The following GRIA1 variants were observed in gnomAD, a reference collection of about 807,000 sequenced individuals.
The protein encoded by GRIA1 is glutamate receptor 1.
Under a neutral mutation model 99.2 loss-of-function variants are expected in GRIA1, and 31 were observed. The ratio of observed to expected loss-of-function variants is 0.31; its 90% CI spans 0.23 to 0.42. The LOEUF (loss-of-function observed/expected upper bound fraction) is 0.42, where lower values mean the gene tolerates loss of function less well. Ranked by LOEUF, GRIA1 falls within the 10% of genes least tolerant of loss-of-function variation. The pLI is 1.00. For missense variants in GRIA1, 782 were observed against 1,157.5 expected, an observed-to-expected ratio of 0.68 and a Z score of 4.71; for synonymous variants, 438 against 432.4, an observed-to-expected ratio of 1.01 and a Z score of -0.16.
In GRIA1 at chr5:153,783,459, A is replaced by G. The variant is rs547253871; in HGVS notation, c.2271-11162A>G. Among the ~76,000 whole-genome samples the G allele has an allele frequency of 8.5e-5, 13 of 152,280 alleles. No individual in the cohort carries two copies. In the South Asian group the frequency reaches 2.1e-3, roughly 24 times the overall value. Reference sequence around the variant, plus strand: ...GAACTGTTGACACCTGCTTCTCACAATGTGGGGTGGGCTAGGCATCACACT... The same window carrying G: ...GAACTGTTGACACCTGCTTCTCACAGTGTGGGGTGGGCTAGGCATCACACT... On this transcript the variant is annotated intron_variant, in intron 13 of 15. Transcript: ENST00000285900.
intron 13 of GRIA1, among the ~76,000 whole-genome samples, chr5:153,779,344 A>C (rs1176704155): frequency 6.6e-6 from 1 of 152,198 alleles, no homozygotes; most frequent in Non-Finnish European, 1.5e-5. Flanking sequence ...CCTTTGTGCT[A>C]ATCAAGACTC....
chr5:153,636,214 A>G (rs1753348041), intron 2 of GRIA1, among the ~76,000 whole-genome samples: 1 of 152,172 alleles, frequency 6.6e-6, no homozygotes, highest in Non-Finnish European at 1.5e-5. Flanking sequence ...TCATGGGTTT[A>G]AAGGTCATCC....
chr5:153,802,793 A>T (rs565521353), intron 15 of GRIA1, among the ~76,000 whole-genome samples: 1 of 152,282 alleles, frequency 6.6e-6, no homozygotes, highest in Non-Finnish European at 1.5e-5. Context: ...GGCAAGAGTG[A>T]TGGCTACCAA....
At chr5:153,606,357 T>G (rs1312263449) in intron 2 of GRIA1, among the ~76,000 whole-genome samples, 1 of 152,114 alleles carries the variant, frequency 6.6e-6, no homozygotes, top group Non-Finnish European at 1.5e-5. Flanking sequence ...CTTTTCCCCT[T>G]TTTCAAAATT....
chr5:153,749,712 A>G (rs1412967591), intron 11 of GRIA1, among the ~76,000 whole-genome samples: 1 of 152,104 alleles, frequency 6.6e-6, no homozygotes, highest in Admixed American at 6.6e-5. Flanking sequence ...TGAACATGAG[A>G]TTTGGAGGGA....
At chr5:153,650,284 A>G in intron 3 of GRIA1, 46 bp from the exon 4 acceptor site, 1 of 1,547,900 alleles carries the variant, frequency 6.5e-7, no homozygotes. Context: ...TGGTGCCCAC[A>G]AATCCTGACT....
At chr5:153,700,373 G>T (rs745490589) in intron 10 of GRIA1, among the ~76,000 whole-genome samples, 2 of 152,124 alleles carry the variant, frequency 1.3e-5, no homozygotes, top group Non-Finnish European at 2.9e-5. Flanking sequence ...AGACAAGAGC[G>T]AAACTCTGTC....
intron 13 of GRIA1, among the ~76,000 whole-genome samples, chr5:153,790,375 C>T (rs1041049682): frequency 1.3e-5 from 2 of 152,150 alleles, no homozygotes; most frequent in African/African-American, 4.8e-5. Flanking sequence ...CATAACTCTC[C>T]TTTTATTAAA....
chr5:153,609,706 T>G (rs1994861), intron 2 of GRIA1, among the ~76,000 whole-genome samples: 33,466 of 151,420 alleles, frequency 0.22, 4,259 homozygotes, highest in Non-Finnish European at 0.3. Flanking sequence ...TGGGATTACA[T>G]GGCCCACCAC....
At chr5:153,653,856 A>G (rs146077599) in intron 4 of GRIA1, among the ~76,000 whole-genome samples, 242 of 152,330 alleles carry the variant, frequency 1.6e-3, no homozygotes, top group Non-Finnish European at 3.1e-3. Flanking sequence ...AGGGTTTTAC[A>G]GAGGAGTTGA....
At position 153,589,682 on chromosome 5, in the gene GRIA1, A is replaced by G. The variant is rs1046981741; in HGVS notation, c.221-57246A>G. Among the ~76,000 whole-genome samples the G allele has an allele frequency of 2.6e-5, 4 of 152,174 alleles. No individual in the cohort carries two copies. In the East Asian group the frequency reaches 7.7e-4, roughly 29 times the overall value. On this transcript the variant is annotated intron_variant, in intron 2 of 15. Coordinates refer to ENST00000285900, the MANE Select transcript of GRIA1 (RefSeq NM_000827.4). The stretch of plus-strand genomic sequence containing the variant: ...TTACTGAGTATTGCCAGAGGTTCAG[A>G]GTCCTTGCGTGCATCTGCATTTACT...
At chr5:153,696,478 C>T (rs1056390508) in intron 8 of GRIA1, among the ~76,000 whole-genome samples, 3 of 152,126 alleles carry the variant, frequency 2.0e-5, no homozygotes, top group South Asian at 2.1e-4. Flanking sequence ...ACAGGCCAGA[C>T]GAAATGGCAT....
In GRIA1 at chr5:153,752,182, A is replaced by G. The variant is rs77072125; in HGVS notation, c.1824-12252A>G. Among the ~76,000 whole-genome samples, 921 of 152,318 alleles carry G rather than the reference A, an allele frequency of 6.0e-3. 4 individuals are homozygous for G. Among genetic ancestry groups the G allele is most frequent in the Non-Finnish European group, 9.8e-3 (668 of 68,026 alleles). On this transcript the variant is annotated intron_variant, in intron 11 of 15. Transcript: ENST00000285900. ...AATACAGAAGGGGTGGCTCAGAACTATGCTGGCAAAAGTTGGGGAAGTTTA... is the reference window on the plus strand; with the variant it reads ...AATACAGAAGGGGTGGCTCAGAACTGTGCTGGCAAAAGTTGGGGAAGTTTA...
intron 11 of GRIA1, among the ~76,000 whole-genome samples, chr5:153,746,274 T>C (rs981691041): frequency 6.6e-6 from 1 of 152,132 alleles, no homozygotes; most frequent in East Asian, 1.9e-4. Context: ...GTTGGGGATA[T>C]GTGGGAGGGA....
In GRIA1 at chr5:153,810,371, G is replaced by C. The variant is rs999036005; in HGVS notation, c.2521-654G>C. Among the ~76,000 whole-genome samples, 8 of 152,306 alleles carry C rather than the reference G, an allele frequency of 5.3e-5. No individual in the cohort carries two copies. In the South Asian group the frequency reaches 1.2e-3, roughly 24 times the overall value. On this transcript the variant is annotated intron_variant, in intron 15 of 15. Coordinates refer to ENST00000285900, the MANE Select transcript of GRIA1 (RefSeq NM_000827.4). ...TTTGCATATTGTATTATTCAAACGA[G>C]TCCTACATTCCCTTAACACATGCCG...
chr5:153,778,986 A>T (rs1007497757), intron 13 of GRIA1, among the ~76,000 whole-genome samples: 17 of 152,112 alleles, frequency 1.1e-4, no homozygotes, highest in African/African-American at 3.9e-4. Flanking sequence ...AACCAAAAAC[A>T]TCCCTAAAGA....
At chr5:153,734,448 G>A (rs181628726) in intron 11 of GRIA1, among the ~76,000 whole-genome samples, 163 of 152,326 alleles carry the variant, frequency 1.1e-3, no homozygotes, top group Non-Finnish European at 1.9e-3. Flanking sequence ...CTCAAATGGA[G>A]GTGGGAGTAT....
chr5:153,494,913 C>G (rs1439739657), intron 2 of GRIA1, among the ~76,000 whole-genome samples: 1 of 152,064 alleles, frequency 6.6e-6, no homozygotes, highest in African/African-American at 2.4e-5. Context: ...TTTGAGACCC[C>G]AAACTGGATT....
chr5:153,734,317 C>T (rs542437815), intron 11 of GRIA1, among the ~76,000 whole-genome samples: 15 of 151,966 alleles, frequency 9.9e-5, no homozygotes, highest in Non-Finnish European at 1.9e-4. Context: ...TTAAGGACCC[C>T]CCTAAGAGCA....
Sources: allele counts gnomAD v4.1 joint callset (sites outside exome capture counted in the v4.1 genomes callset), GRCh38; gene constraint gnomAD v4.1.1; transcripts MANE v1.5; gene names NCBI Gene and HGNC (gene_info 2026-07-23, HGNC 2026-07-21).